The following SLC9A9 variants were observed in gnomAD, a reference collection of about 807,000 sequenced individuals.
SLC9A9 encodes solute carrier family 9 member A9, also known as sodium/hydrogen exchanger 9.
SLC9A9 carries 62 observed loss-of-function variants against 77.8 expected under a neutral mutation model. The ratio of observed to expected loss-of-function variants is 0.80; its 90% CI spans 0.65 to 0.98. SLC9A9 has a LOEUF of 0.98. Ranked by LOEUF, SLC9A9 falls within the 50% of genes least tolerant of loss-of-function variation. The pLI, the probability that SLC9A9 is intolerant of heterozygous loss-of-function variation, is 0.00. For missense variants in SLC9A9, 775 were observed against 774.9 expected (o/e 1.00, Z 0.00); for synonymous variants, 320 against 283.5 (o/e 1.13, Z -1.29).
Position 143,493,759 on chromosome 3 carries a change from T to C in SLC9A9, c.1209A>G (p.Ala403=). 6.2e-7 allele frequency: 1 copy of C among 1,611,678 alleles called. No individual in the cohort carries two copies. The highest frequency in any genetic ancestry group is 8.5e-7 in the Non-Finnish European group (1 of 1,177,834). Residue 403 remains alanine (A), a synonymous_variant, in exon 11 of 16, where the codon GCA becomes GCG. Transcript: ENST00000316549. Reference sequence around the variant, plus strand: ...TGTTGCAGGCTCTGGCAACAAAAATTGCTAGCTGTAGATAAGCACAGGGAA... The same window carrying C: ...TGTTGCAGGCTCTGGCAACAAAAATCGCTAGCTGTAGATAAGCACAGGGAA... ...NALFILGAFL[A]IFVARACNIY...
At chr3:143,312,107 G>C (rs1375198451) in intron 14 of SLC9A9, among the ~76,000 whole-genome samples, 1 of 152,186 alleles carries the variant, frequency 6.6e-6, no homozygotes, top group Non-Finnish European at 1.5e-5. Context: ...TCAAAACACT[G>C]CAGGAAAATA....
chr3:143,542,307 C>T (rs1423011000), intron 9 of SLC9A9, among the ~76,000 whole-genome samples: 4 of 151,874 alleles, frequency 2.6e-5, no homozygotes, highest in East Asian at 3.9e-4. Flanking sequence ...TTTTGAATGA[C>T]GGAGAGAAGA....
chr3:143,535,561 C>T (rs551806609), intron 9 of SLC9A9, among the ~76,000 whole-genome samples: 6 of 152,156 alleles, frequency 3.9e-5, no homozygotes, highest in East Asian at 3.9e-4. Flanking sequence ...CTATTACCAA[C>T]GAGTTTAATA....
chr3:143,526,622 A>C (rs1392293837), intron 9 of SLC9A9, among the ~76,000 whole-genome samples: 3 of 152,190 alleles, frequency 2.0e-5, no homozygotes, highest in Non-Finnish European at 4.4e-5. Flanking sequence ...CACCTCGAGC[A>C]ACCAATTCCA....
chr3:143,361,212 T>C (rs563291368), intron 14 of SLC9A9, among the ~76,000 whole-genome samples: 3 of 152,378 alleles, frequency 2.0e-5, no homozygotes, highest in African/African-American at 7.2e-5. Context: ...TGTATGAAGT[T>C]ATATATTCTT....
chr3:143,370,183 G>A (rs2108489366), intron 13 of SLC9A9, among the ~76,000 whole-genome samples: 1 of 152,252 alleles, frequency 6.6e-6, no homozygotes, highest in Middle Eastern at 3.4e-3. Context: ...TTAATACAAT[G>A]ATATACTGGA....
intron 5 of SLC9A9, among the ~76,000 whole-genome samples, chr3:143,675,994 G>A (rs1290097689): frequency 3.9e-5 from 6 of 152,132 alleles, no homozygotes; most frequent in African/African-American, 1.4e-4. Context: ...TTCTCGTGGG[G>A]GATGGGGAGG....
chr3:143,290,734 AT>A (rs775687032), intron 14 of SLC9A9, among the ~76,000 whole-genome samples: 1 of 152,234 alleles, frequency 6.6e-6, no homozygotes, highest in South Asian at 2.1e-4. Flanking sequence ...CTGGGCCAAA[AT>A]AAGTTATGAA....
chr3:143,429,306 G>T (rs1287655583), intron 12 of SLC9A9, among the ~76,000 whole-genome samples: 1 of 152,180 alleles, frequency 6.6e-6, no homozygotes, highest in Non-Finnish European at 1.5e-5. Flanking sequence ...TTTAGGAACT[G>T]AATCAAATGG....
At chr3:143,839,516 ACACAC>A (rs1161121133) in intron 1 of SLC9A9, among the ~76,000 whole-genome samples, 4 of 152,012 alleles carry the variant, frequency 2.6e-5, no homozygotes, top group Non-Finnish European at 5.9e-5. Context: ...ACACACACAC[ACACAC>A]ACACACATCA....
intron 9 of SLC9A9, among the ~76,000 whole-genome samples, chr3:143,518,502 C>A (rs190563526): frequency 9.1e-4 from 139 of 152,372 alleles, no homozygotes; most frequent in African/African-American, 3.0e-3. Context: ...GGGATTCCAT[C>A]CCATCGTGTC....
chr3:143,782,375 G>T (rs958015069), intron 4 of SLC9A9, among the ~76,000 whole-genome samples: 3 of 152,180 alleles, frequency 2.0e-5, no homozygotes, highest in African/African-American at 7.2e-5. Context: ...GAGCTCTGGG[G>T]TGAGGCTTGA....
In SLC9A9 at chr3:143,530,214, G is replaced by A. The variant is rs192512067; in HGVS notation, c.1089+22148C>T. On this transcript the variant is annotated intron_variant, in intron 9 of 15. Coordinates refer to ENST00000316549, the MANE Select transcript of SLC9A9 (RefSeq NM_173653.4). ...ATTACTAAGTTAGTGAGAGAGTTTG[G>A]CTGTGTCCCCACACAAATCTCATCT... Among the ~76,000 whole-genome samples the A allele has an allele frequency of 9.2e-5, 14 of 152,330 alleles. No homozygotes were observed. The East Asian group carries it at 2.3e-3, about 25-fold the overall frequency.
intron 4 of SLC9A9, among the ~76,000 whole-genome samples, chr3:143,784,210 G>A (rs76886245): frequency 6.6e-6 from 1 of 152,128 alleles, no homozygotes; most frequent in Non-Finnish European, 1.5e-5. Context: ...TCAAGTTTCC[G>A]TGAATACCCT....
chr3:143,383,612 C>A (rs1475055590), intron 12 of SLC9A9, among the ~76,000 whole-genome samples: 1 of 152,152 alleles, frequency 6.6e-6, no homozygotes, highest in African/African-American at 2.4e-5. Context: ...AGGGCCAGAC[C>A]AAGTGAGGGG....
rs1442746263 is a variant in SLC9A9, at chr3:143,409,211, G to A, written c.1470-27097C>T. On this transcript the variant is annotated intron_variant, in intron 12 of 15. Transcript: ENST00000316549. The stretch of plus-strand genomic sequence containing the variant: ...AAATAAAGCTCTGGAGGCTTCAACT[G>A]TAAATAGTGTAATATCCTTCTATTT... Among the ~76,000 whole-genome samples the A allele has an allele frequency of 2.6e-5, 4 of 152,306 alleles. No individual in the cohort carries two copies. The East Asian group carries it at 7.7e-4, about 29-fold the overall frequency.
chr3:143,796,350 T>C (rs952750317), intron 3 of SLC9A9, among the ~76,000 whole-genome samples: 3 of 152,188 alleles, frequency 2.0e-5, no homozygotes, highest in Admixed American at 6.5e-5. Context: ...TGCTGTCCAA[T>C]AGAAATATAA....
chr3:143,653,447 G>A (rs925445841), intron 5 of SLC9A9, among the ~76,000 whole-genome samples: 17 of 152,178 alleles, frequency 1.1e-4, no homozygotes, highest in African/African-American at 4.1e-4. Flanking sequence ...AAATGTCTAA[G>A]GCAGAATGGG....
intron 4 of SLC9A9, among the ~76,000 whole-genome samples, chr3:143,751,090 TG>T (rs1308605559): frequency 6.6e-6 from 1 of 152,200 alleles, no homozygotes; most frequent in Admixed American, 6.5e-5. Context: ...AGGAAGTCAT[TG>T]TTCATGGGCA....
Sources: allele counts gnomAD v4.1 joint callset (sites outside exome capture counted in the v4.1 genomes callset), GRCh38; gene constraint gnomAD v4.1.1; transcripts MANE v1.5; gene names NCBI Gene and HGNC (gene_info 2026-07-23, HGNC 2026-07-21).